The following C8G variants were observed in gnomAD, a reference collection of about 807,000 sequenced individuals.
The protein encoded by C8G is complement C8 gamma chain.
Under a neutral mutation model 29.1 loss-of-function variants are expected in C8G, and 38 were observed. The ratio of observed to expected loss-of-function variants is 1.31; its 90% CI spans 1.01 to 1.71. The LOEUF is 1.71. Ranked by LOEUF, C8G falls within the 40% of genes most tolerant of loss-of-function variation. C8G has a pLI of 0.00. For synonymous variants in C8G, 158 were observed against 113.2 expected (o/e 1.40, Z -2.51); for missense variants, 300 against 267.4 (o/e 1.12, Z -0.85).
Position 136,945,986 on chromosome 9 carries a change from C to A in C8G, c.333C>A (p.Arg111=), listed in dbSNP as rs1461086159. Residue 111 remains arginine, a synonymous_variant, in exon 3 of 7, where the codon CGC becomes CGA. Transcript: ENST00000371634. ...ATGGAGACACAGGGGTCCTCGGCCGCTTCCTGCTTCAAGGTGAGGCAGGGG... is the reference window on the plus strand; with the variant it reads ...ATGGAGACACAGGGGTCCTCGGCCGATTCCTGCTTCAAGGTGAGGCAGGGG... The part of the protein sequence containing the change: ...QLYGDTGVLG[R]FLLQARDARG... 2 of 1,581,596 alleles carry A rather than the reference C, an allele frequency of 1.3e-6. No individual in the cohort carries two copies. Among genetic ancestry groups the A allele is most frequent in the Non-Finnish European group, 1.7e-6 (2 of 1,163,966 alleles).
In C8G at chr9:136,946,869, C is replaced by G. The variant is rs1034192118; in HGVS notation, c.*88C>G. On this transcript the variant is annotated 3_prime_UTR_variant, in exon 7 of 7. Coordinates refer to ENST00000371634, the MANE Select transcript of C8G (RefSeq NM_000606.3). The stretch of plus-strand genomic sequence containing the variant: ...TGCCCGCTGCCTGTCCTCCGTGAAA[C>G]CAGCCTCAGATCAGGGCCCTGCCAC... 2.7e-6 allele frequency: 4 copies of G among 1,494,970 alleles called. No individual in the cohort carries two copies. The highest frequency in any genetic ancestry group is 3.9e-5 in the Admixed American group (2 of 50,932). The allele number at this position is 1,494,970 out of a possible 1,614,324, so 92.6% of individuals were successfully genotyped here.
Position 136,946,111 on chromosome 9 carries a change from G to C in C8G, c.373G>C (p.Val125Leu), listed in dbSNP as rs752254642. 1.3e-6 allele frequency: 2 copies of C among 1,596,128 alleles called. No homozygotes were observed. Among genetic ancestry groups the C allele is most frequent in the Non-Finnish European group, 1.7e-6 (2 of 1,169,130 alleles). Reference sequence around the variant, plus strand: ...CCGAGACGCCCGAGGGGCTGTGCACGTGGTTGTCGCTGAGACCGACTACCA... The same window carrying C: ...CCGAGACGCCCGAGGGGCTGTGCACCTGGTTGTCGCTGAGACCGACTACCA... The part of the protein sequence containing the change: ...QARDARGAVH[V>L]VVAETDYQSF... Residue 125 changes from valine to leucine, a missense_variant, in exon 4 of 7, where the codon GTG becomes CTG. Val to Leu is a conservative substitution (Grantham distance 32). Coordinates refer to ENST00000371634, the MANE Select transcript of C8G (RefSeq NM_000606.3).
In C8G at chr9:136,946,367, G is replaced by T. The variant is rs904654154; in HGVS notation, c.455-98G>T. 4 of 1,462,060 alleles carry T rather than the reference G, an allele frequency of 2.7e-6. No homozygotes were observed. The African/African-American group carries it at 5.7e-5, about 21-fold the overall frequency. The allele number at this position is 1,462,060 out of a possible 1,614,324, so 90.6% of individuals were successfully genotyped here. ...CAGACAGGCCTGGTGTGGGAGCAGG[G>T]AGAGGGCCCCGAGGGGGCAGGGGAC... is the stretch of plus-strand genomic sequence containing the variant. On this transcript the variant is annotated intron_variant, in intron 4 of 6. Coordinates refer to ENST00000371634, the MANE Select transcript of C8G (RefSeq NM_000606.3).
rs768963518 is a variant in C8G at position 136,946,087 on chromosome 9, C to A, written c.349C>A (p.Arg117=). Residue 117 remains arginine, a splice_region_variant and synonymous_variant, in exon 4 of 7, where the codon CGA becomes AGA. Transcript: ENST00000371634. ...GVLGRFLLQA[R]DARGAVHVVV... is the part of the protein sequence containing the mutation. ...TGGCTACTGTGGCTCTGCCCCAGCC[C>A]GAGACGCCCGAGGGGCTGTGCACGT... 6.2e-7 allele frequency: 1 copy of A among 1,605,236 alleles called. No homozygotes were observed. The highest frequency in any genetic ancestry group is 8.5e-7 in the Non-Finnish European group (1 of 1,174,906).
In C8G at chr9:136,945,406, C is replaced by G; in HGVS notation, c.86C>G (p.Pro29Arg). The G allele has an allele frequency of 6.2e-7, 1 of 1,603,064 alleles. No individual in the cohort carries two copies. The highest frequency in any genetic ancestry group is 8.5e-7 in the Non-Finnish European group (1 of 1,175,424). Residue 29 changes from proline to arginine, a missense_variant, in exon 1 of 7, where the codon CCC becomes CGC. Physicochemically the swap from Pro to Arg is moderately radical, Grantham distance 103 (BLOSUM62 -2). Coordinates refer to ENST00000371634, the MANE Select transcript of C8G (RefSeq NM_000606.3). ...CAGAAGCCTCAGAGGCCACGCCGGC[C>G]CGCATCCCCCATCAGCACCATCCAG... ...LGQKPQRPRR[P>R]ASPISTIQPK...
In C8G at chr9:136,945,921, C is replaced by G. The variant is rs199510015; in HGVS notation, c.276-8C>G. On this transcript the variant is annotated splice_polypyrimidine_tract_variant and splice_region_variant and intron_variant, in intron 2 of 6. Coordinates refer to ENST00000371634, the MANE Select transcript of C8G (RefSeq NM_000606.3). ...CCAGCCTGTGGTGCCTCCTCCCCGC[C>G]CCCCCAGGGATGGGATCTGCTGGCA... 75 of 1,557,702 alleles carry G rather than the reference C, an allele frequency of 4.8e-5. No individual in the cohort carries two copies. In the African/African-American group the frequency reaches 8.7e-4, roughly 18 times the overall value.
Position 136,945,695 on chromosome 9 carries a change from G to C in C8G, c.200G>C (p.Gly67Ala). The C allele has an allele frequency of 3.8e-6, 6 of 1,599,130 alleles. No homozygotes were observed. The highest frequency in any genetic ancestry group is 5.1e-6 in the Non-Finnish European group (6 of 1,175,264). Residue 67 changes from glycine (G) to alanine (A), a missense_variant, in exon 2 of 7, where the codon GGC (glycine) becomes GCC (alanine). By Grantham distance (60) the Gly-to-Ala change is moderately conservative. Coordinates refer to ENST00000371634, the MANE Select transcript of C8G (RefSeq NM_000606.3). ...GCTTGCCGTTTCCTGCAGGAGCAGGGCCACCGGGCCGAGGCCACCACACTG... is the reference window on the plus strand; with the variant it reads ...GCTTGCCGTTTCCTGCAGGAGCAGGCCCACCGGGCCGAGGCCACCACACTG... ...GSACRFLQEQ[G>A]HRAEATTLHV...
rs574380538 is a variant in C8G, at chr9:136,946,517, C to T, written c.507C>T (p.Val169=). The T allele has an allele frequency of 1.9e-6, 3 of 1,612,872 alleles. No individual in the cohort carries two copies. ...DSVLSGFEQR[V]QEAHLTEDQI... is the part of the protein sequence containing the mutation. ...TCCTGAGTGGGTTTGAGCAGCGGGT[C>T]CAGGAGGCCCACCTGACTGAGGACC... The change falls in exon 5 of 7, where the codon GTC becomes GTT. Residue 169 remains valine, a synonymous_variant. Coordinates refer to ENST00000371634, the MANE Select transcript of C8G (RefSeq NM_000606.3).
Position 136,945,394 on chromosome 9 carries a change from G to A in C8G, c.74G>A (p.Arg25Lys), listed in dbSNP as rs1423518937. 1 of 1,609,592 alleles carries A rather than the reference G, an allele frequency of 6.2e-7. No homozygotes were observed. The highest frequency in any genetic ancestry group is 1.7e-5 in the Admixed American group (1 of 59,400). Residue 25 changes from arginine to lysine, a missense_variant, in exon 1 of 7, where the codon AGG becomes AAG. By Grantham distance (26) the Arg-to-Lys change is conservative. Coordinates refer to ENST00000371634, the MANE Select transcript of C8G (RefSeq NM_000606.3). ...AAGSLGQKPQ[R>K]PRRPASPIST... ...GGCTCGCTGGGCCAGAAGCCTCAGA[G>A]GCCACGCCGGCCCGCATCCCCCATC...
chr9:136,946,097 G>A lies in C8G; in HGVS notation c.359G>A (p.Arg120Gln), dbSNP rs753450750. 21 of 1,602,378 alleles carry A rather than the reference G, an allele frequency of 1.3e-5. No individual in the cohort carries two copies. The highest frequency in any genetic ancestry group is 8.0e-5 in the African/African-American group (6 of 74,750). ...GGCTCTGCCCCAGCCCGAGACGCCC[G>A]AGGGGCTGTGCACGTGGTTGTCGCT... The part of the protein sequence containing the change: ...GRFLLQARDA[R>Q]GAVHVVVAET... The change falls in exon 4 of 7, where the codon CGA (arginine) becomes CAA (glutamine). Residue 120 changes from arginine (R) to glutamine (Q), a missense_variant. Transcript: ENST00000371634.
In C8G at chr9:136,946,946, G is replaced by A. The variant is rs759967294; in HGVS notation, c.*165G>A. On this transcript the variant is annotated 3_prime_UTR_variant, in exon 7 of 7. Coordinates refer to ENST00000371634, the MANE Select transcript of C8G (RefSeq NM_000606.3). ...GCCCCAGAGGACAGTGGGTGGAGTG[G>A]TACCTACTTATTAAATGTCTCAGAC... The A allele has an allele frequency of 6.4e-5, 52 of 810,872 alleles. No homozygotes were observed. Among genetic ancestry groups the A allele is most frequent in the Non-Finnish European group, 1.0e-4 (51 of 499,618 alleles). The allele number at this position is 810,872 out of a possible 1,614,324, so 50.2% of individuals were successfully genotyped here.
At chr9:136,946,063 G>A (rs1480493091) in intron 3 of C8G, 22 bp from the exon 4 acceptor site, 1 of 1,604,908 alleles carries the variant, frequency 6.2e-7, no homozygotes, top group Non-Finnish European at 8.5e-7. Context: ...TCTCTGACAT[G>A]GCTACTGTGG....
rs778706615 is a variant in C8G at position 136,945,992 on chromosome 9, G to C, written c.339G>C (p.Leu113=). Residue 113 remains leucine (L), a synonymous_variant, in exon 3 of 7, where the codon CTG becomes CTC. Coordinates refer to ENST00000371634, the MANE Select transcript of C8G (RefSeq NM_000606.3). ...ACACAGGGGTCCTCGGCCGCTTCCT[G>C]CTTCAAGGTGAGGCAGGGGCTGCAG... ...YGDTGVLGRF[L]LQARDARGAV... 14 of 1,584,478 alleles carry C rather than the reference G, an allele frequency of 8.8e-6. No homozygotes were observed. Among genetic ancestry groups the C allele is most frequent in the Non-Finnish European group, 1.7e-6 (2 of 1,165,418 alleles).
chr9:136,946,851 T>C lies in C8G; in HGVS notation c.*70T>C. Reference sequence around the variant, plus strand: ...ACGACCCCACCAGTGGGGTGCCCGCTGCCTGTCCTCCGTGAAACCAGCCTC... The same window carrying C: ...ACGACCCCACCAGTGGGGTGCCCGCCGCCTGTCCTCCGTGAAACCAGCCTC... On this transcript the variant is annotated 3_prime_UTR_variant, in exon 7 of 7. Coordinates refer to ENST00000371634, the MANE Select transcript of C8G (RefSeq NM_000606.3). 6.6e-7 allele frequency: 1 copy of C among 1,525,020 alleles called. No individual in the cohort carries two copies. The highest frequency in any genetic ancestry group is 2.4e-5 in the East Asian group (1 of 40,850). The allele number at this position is 1,525,020 out of a possible 1,614,324, so 94.5% of individuals were successfully genotyped here.
In C8G at chr9:136,945,304, A is replaced by G. The variant is rs1333754383; in HGVS notation, c.-17A>G. The G allele has an allele frequency of 2.5e-6, 4 of 1,590,504 alleles. No homozygotes were observed. The highest frequency in any genetic ancestry group is 3.4e-6 in the Non-Finnish European group (4 of 1,166,012). On this transcript the variant is annotated 5_prime_UTR_variant, in exon 1 of 7. Coordinates refer to ENST00000371634, the MANE Select transcript of C8G (RefSeq NM_000606.3). Reference sequence around the variant, plus strand: ...ACCCTTGGCCTCCCACAGTCCTGCCACCCTGCTGCCGCCACCATGCTGCCC... The same window carrying G: ...ACCCTTGGCCTCCCACAGTCCTGCCGCCCTGCTGCCGCCACCATGCTGCCC...
At chr9:136,946,620 G>A (rs989093154) in intron 5 of C8G, 31 bp from the exon 6 acceptor site, 24 of 1,613,168 alleles carry the variant, frequency 1.5e-5, no homozygotes, top group Admixed American at 5.0e-5. Flanking sequence ...CTGGGCTGAT[G>A]TCCAGCCTGA....
rs1171339827 is a variant in C8G, at chr9:136,946,921, G to A, written c.*140G>A. 1 of 1,075,848 alleles carries A rather than the reference G, an allele frequency of 9.3e-7. No homozygotes were observed. Among genetic ancestry groups the A allele is most frequent in the East Asian group, 2.6e-5 (1 of 38,632 alleles). 66.6% of individuals were successfully genotyped at this position (1,075,848 alleles called of 1,614,324 possible). A position where few individuals can be genotyped will look rare whatever the true frequency, so the allele number is the denominator to read the frequency against. ...CAGGGCAGGGGATCTTCTGCCGGCT[G>A]CCCCAGAGGACAGTGGGTGGAGTGG... is the stretch of plus-strand genomic sequence containing the variant. On this transcript the variant is annotated 3_prime_UTR_variant, in exon 7 of 7. Coordinates refer to ENST00000371634, the MANE Select transcript of C8G (RefSeq NM_000606.3).
intron 4 of C8G, 104 bp downstream of exon 4, chr9:136,946,296 CT>C: frequency 7.3e-7 from 1 of 1,366,048 alleles, no homozygotes; most frequent in Non-Finnish European, 1.0e-6. Context: ...CACTTCCTTT[CT>C]CCCATCCTGA....
At position 136,945,714 on chromosome 9, in the gene C8G, C is replaced by T. The variant is rs532763877; in HGVS notation, c.219C>T (p.Thr73=). ...LQEQGHRAEA[T]TLHVAPQGTA... is the part of the protein sequence containing the mutation. ...AGCAGGGCCACCGGGCCGAGGCCAC[C>T]ACACTGCATGTGGCTCCCCAGGGCA... is the stretch of plus-strand genomic sequence containing the variant. The change falls in exon 2 of 7, where the codon ACC becomes ACT. Residue 73 remains threonine (T), a synonymous_variant. Transcript: ENST00000371634. 4 of 1,587,546 alleles carry T rather than the reference C, an allele frequency of 2.5e-6. No homozygotes were observed. Among genetic ancestry groups the T allele is most frequent in the African/African-American group, 2.7e-5 (2 of 74,608 alleles).
Sources: allele counts gnomAD v4.1 joint callset, GRCh38; gene constraint gnomAD v4.1.1; transcripts MANE v1.5; gene names NCBI Gene and HGNC (gene_info 2026-07-23, HGNC 2026-07-21).